Variants in XKR4 observed in about 807,000 individuals in gnomAD.
The protein encoded by XKR4 is XK-related protein 4.
In XKR4, 12 loss-of-function variants were observed where a neutral mutation model predicts 53.9. The ratio of observed to expected loss-of-function variants is 0.22; its 90% CI spans 0.14 to 0.36. The LOEUF (loss-of-function observed/expected upper bound fraction) is 0.36, where lower values mean the gene tolerates loss of function less well. Among genes scored for constraint, XKR4 ranks in the 10% least tolerant of loss-of-function variants. The probability of loss-of-function intolerance (pLI) is 1.00; values close to 1 mark genes in which losing one functional copy is unlikely to be tolerated. For missense variants in XKR4, 799 were observed against 859.5 expected (o/e 0.93, Z 0.88); for synonymous variants, 354 against 362.4 (o/e 0.98, Z 0.26).
intron 1 of XKR4, among the ~76,000 whole-genome samples, chr8:55,314,469 C>G (rs1234280921): frequency 6.6e-6 from 1 of 152,118 alleles, no homozygotes; most frequent in African/African-American, 2.4e-5. Context: ...ACCATTTGTC[C>G]CGACATTCAG....
intron 1 of XKR4, among the ~76,000 whole-genome samples, chr8:55,204,062 G>A (rs1424179634): frequency 1.3e-5 from 2 of 152,114 alleles, no homozygotes; most frequent in Non-Finnish European, 2.9e-5. Context: ...CTAGGCTGGA[G>A]TACAGTGGTG....
intron 1 of XKR4, among the ~76,000 whole-genome samples, chr8:55,304,627 A>T: frequency 6.6e-6 from 1 of 152,112 alleles, no homozygotes; most frequent in East Asian, 1.9e-4. Flanking sequence ...ATTGTGTGGG[A>T]GTCTAAGTCT....
chr8:55,219,343 A>G (rs139774793), intron 1 of XKR4, among the ~76,000 whole-genome samples: 153 of 152,286 alleles, frequency 1.0e-3, no homozygotes, highest in African/African-American at 3.5e-3. Context: ...TGCTGAGAGT[A>G]GCAATTCATT....
intron 1 of XKR4, among the ~76,000 whole-genome samples, chr8:55,191,291 A>G (rs930695678): frequency 2.0e-5 from 3 of 152,156 alleles, no homozygotes; most frequent in African/African-American, 4.8e-5. Context: ...CCATCTTGAA[A>G]TGCATTCTAC....
chr8:55,188,445 T>C (rs2129360686), intron 1 of XKR4, among the ~76,000 whole-genome samples: 1 of 152,278 alleles, frequency 6.6e-6, no homozygotes, highest in South Asian at 2.1e-4. Context: ...TAATCCTTAG[T>C]CATTAAAAGA....
Position 55,419,964 on chromosome 8 carries a change from G to A in XKR4, c.1006+62087G>A, listed in dbSNP as rs548784917. ...AACACAATGATAAAAGGACTTTGAC[G>A]TTAACAGTGAAATTCTTGCTGTTTG... On this transcript the variant is annotated intron_variant, in intron 2 of 2. Coordinates refer to ENST00000327381, the MANE Select transcript of XKR4 (RefSeq NM_052898.2). Among the ~76,000 whole-genome samples the A allele has an allele frequency of 3.3e-5, 5 of 152,272 alleles. No individual in the cohort carries two copies. The South Asian group carries it at 1.0e-3, about 32-fold the overall frequency.
At chr8:55,204,826 G>A (rs549212758) in intron 1 of XKR4, among the ~76,000 whole-genome samples, 131 of 152,220 alleles carry the variant, frequency 8.6e-4, no homozygotes, top group African/African-American at 3.0e-3. Flanking sequence ...GGTAATAATA[G>A]AAATGACAAA....
intron 2 of XKR4, among the ~76,000 whole-genome samples, chr8:55,359,616 G>C (rs997826339): frequency 1.3e-5 from 2 of 152,118 alleles, no homozygotes; most frequent in Non-Finnish European, 2.9e-5. Context: ...ACACGTGGAG[G>C]GTTGCAAGTC....
chr8:55,112,657 C>T (rs1816249807), intron 1 of XKR4, among the ~76,000 whole-genome samples: 1 of 132,292 alleles, frequency 7.6e-6, no homozygotes, highest in Non-Finnish European at 1.5e-5. Flanking sequence ...AAATGATTCC[C>T]TATAACTTCT....
At chr8:55,106,391 C>T (rs1416599951) in intron 1 of XKR4, among the ~76,000 whole-genome samples, 2 of 152,048 alleles carry the variant, frequency 1.3e-5, no homozygotes, top group African/African-American at 2.4e-5. Context: ...CTTTTAAAGT[C>T]GCAGGAGGTG....
intron 2 of XKR4, among the ~76,000 whole-genome samples, chr8:55,460,594 T>A (rs185569983): frequency 5.3e-4 from 81 of 152,164 alleles, no homozygotes; most frequent in African/African-American, 1.9e-3. Context: ...CCAACTGAGG[T>A]ATCGGGTTCA....
intron 2 of XKR4, among the ~76,000 whole-genome samples, chr8:55,387,744 T>G (rs1804344483): frequency 6.6e-6 from 1 of 152,316 alleles, no homozygotes; most frequent in African/African-American, 2.4e-5. Context: ...TCCTCTTGGC[T>G]GTACCCACAT....
At chr8:55,188,714 A>T (rs544801658) in intron 1 of XKR4, among the ~76,000 whole-genome samples, 1 of 152,336 alleles carries the variant, frequency 6.6e-6, no homozygotes, top group South Asian at 2.1e-4. Flanking sequence ...CAGCACTTTC[A>T]AGATGGGTGA....
chr8:55,240,995 A>C (rs1277918923), intron 1 of XKR4, among the ~76,000 whole-genome samples: 2 of 152,208 alleles, frequency 1.3e-5, no homozygotes, highest in Non-Finnish European at 2.9e-5. Flanking sequence ...TGGTAATCAG[A>C]CTGAGTCTTC....
intron 2 of XKR4, among the ~76,000 whole-genome samples, chr8:55,371,871 C>G (rs1247045565): frequency 6.6e-6 from 1 of 152,212 alleles, no homozygotes; most frequent in African/African-American, 2.4e-5. Context: ...CTGTGAATAG[C>G]TTTGAAGTTG....
chr8:55,176,467 G>A (rs1217442904), intron 1 of XKR4, among the ~76,000 whole-genome samples: 1 of 152,166 alleles, frequency 6.6e-6, no homozygotes, highest in Non-Finnish European at 1.5e-5. Context: ...GTGCGTGTGT[G>A]TGTGTGTGCA....
chr8:55,352,857 G>A (rs527309810), intron 1 of XKR4, among the ~76,000 whole-genome samples: 10 of 152,238 alleles, frequency 6.6e-5, no homozygotes, highest in South Asian at 2.1e-4. Flanking sequence ...AGAGATAAAA[G>A]CTCCAGAATA....
At chr8:55,229,492 G>A (rs1180453896) in intron 1 of XKR4, among the ~76,000 whole-genome samples, 4 of 152,264 alleles carry the variant, frequency 2.6e-5, no homozygotes, top group Non-Finnish European at 5.9e-5. Flanking sequence ...AACACAGGAA[G>A]TGCTCCATGC....
At chr8:55,408,272 C>G (rs1804719352) in intron 2 of XKR4, among the ~76,000 whole-genome samples, 1 of 152,220 alleles carries the variant, frequency 6.6e-6, no homozygotes, top group Non-Finnish European at 1.5e-5. Context: ...GTATGATCAT[C>G]CTGATTTTTC....
Sources: allele counts gnomAD v4.1 joint callset (sites outside exome capture counted in the v4.1 genomes callset), GRCh38; gene constraint gnomAD v4.1.1; transcripts MANE v1.5; gene names NCBI Gene and HGNC (gene_info 2026-07-23, HGNC 2026-07-21).